ITGAV: variants seen among roughly 807,000 people sequenced by gnomAD.
ITGAV encodes integrin alpha-V.
A neutral mutation model predicts 143.8 loss-of-function variants in ITGAV; 76 were observed. That is an observed-to-expected ratio of 0.53 (90% CI 0.44 to 0.64). The LOEUF is 0.64. Among genes scored for constraint, ITGAV ranks in the 30% least tolerant of loss-of-function variants. ITGAV has a pLI of 0.00. For synonymous variants in ITGAV, 453 were observed against 446.7 expected (o/e 1.01, Z -0.18); for missense variants, 1,193 against 1,274.7 (o/e 0.94, Z 0.98).
intron 2 of ITGAV, among the ~76,000 whole-genome samples, chr2:186,602,822 A>T (rs916094909): frequency 6.7e-6 from 1 of 149,680 alleles, no homozygotes; most frequent in African/African-American, 2.5e-5. Context: ...GGTTGCAGTG[A>T]GCTGAGATTG....
chr2:186,611,418 G>T (rs1488400777), intron 2 of ITGAV, among the ~76,000 whole-genome samples: 1 of 151,916 alleles, frequency 6.6e-6, no homozygotes, highest in Admixed American at 6.6e-5. Context: ...GAGAGTTGGG[G>T]TCTTGCTATG....
At chr2:186,644,310 G>C (rs531659737) in intron 12 of ITGAV, among the ~76,000 whole-genome samples, 1 of 150,876 alleles carries the variant, frequency 6.6e-6, no homozygotes, top group Non-Finnish European at 1.5e-5. Flanking sequence ...TGGTTTTTTT[G>C]TTTGTTTGTT....
chr2:186,660,060 C>A (rs552811977), intron 18 of ITGAV, among the ~76,000 whole-genome samples: 1 of 152,056 alleles, frequency 6.6e-6, no homozygotes, highest in Admixed American at 6.6e-5. Flanking sequence ...TAATGTCTGT[C>A]ATTCAGTATT....
intron 24 of ITGAV, among the ~76,000 whole-genome samples, chr2:186,668,200 A>G (rs1559068058): frequency 1.6e-4 from 2 of 12,460 alleles, no homozygotes; most frequent in African/African-American, 2.4e-4. Context: ...ATATATATAT[A>G]TATATATATA....
chr2:186,618,641 G>A (rs1687435181), intron 2 of ITGAV, among the ~76,000 whole-genome samples: 1 of 152,260 alleles, frequency 6.6e-6, no homozygotes, highest in East Asian at 1.9e-4. Context: ...ATTCATGGAG[G>A]TAAATTTTCA....
intron 2 of ITGAV, among the ~76,000 whole-genome samples, chr2:186,605,947 T>C (rs1574462971): frequency 6.6e-6 from 1 of 151,378 alleles, no homozygotes; most frequent in Admixed American, 6.6e-5. Context: ...TTTGTATAAC[T>C]TCTGAGACCT....
intron 12 of ITGAV, among the ~76,000 whole-genome samples, chr2:186,645,296 C>T (rs931925621): frequency 1.3e-5 from 2 of 151,866 alleles, no homozygotes; most frequent in Non-Finnish European, 2.9e-5. Context: ...AATGACAGAA[C>T]GACATTGATC....
chr2:186,591,063 T>C (rs745982470), intron 1 of ITGAV, among the ~76,000 whole-genome samples: 3 of 152,206 alleles, frequency 2.0e-5, no homozygotes, highest in Non-Finnish European at 4.4e-5. Flanking sequence ...ATGACCATAC[T>C]GTCCTATTGA....
chr2:186,636,041 C>G, intron 6 of ITGAV, 41 bp from the exon 7 acceptor site: 1 of 1,567,012 alleles, frequency 6.4e-7, no homozygotes, highest in Non-Finnish European at 8.7e-7. Flanking sequence ...ATAAAGTTTC[C>G]ATTTGAAGGT....
At chr2:186,611,807 A>T (rs1238690507) in intron 2 of ITGAV, among the ~76,000 whole-genome samples, 2 of 152,124 alleles carry the variant, frequency 1.3e-5, no homozygotes, top group African/African-American at 4.8e-5. Context: ...CTGGTGGCTC[A>T]TGCCTGTAAT....
In ITGAV at chr2:186,649,869, C is replaced by CTCGGTGGTTTAT; in HGVS notation, c.1381_1382insTCGGTGGTTTAT (p.Arg461delinsLeuGlyGlyLeuTer). The CTCGGTGGTTTAT allele has an allele frequency of 6.4e-7, 1 of 1,568,658 alleles. No individual in the cohort carries two copies. Among genetic ancestry groups the CTCGGTGGTTTAT allele is most frequent in the Non-Finnish European group, 8.6e-7 (1 of 1,157,236 alleles). ...AATTGTAGGAGCTTTTGGTGTAGAT[C>CTCGGTGGTTTAT]GAGCTATCTTATACAGGTGAGCATT... On this transcript the variant is annotated stop_gained and protein_altering_variant, in exon 14 of 30. Coordinates refer to ENST00000261023, the MANE Select transcript of ITGAV (RefSeq NM_002210.5). LOFTEE classifies it high-confidence loss of function.
chr2:186,597,410 G>A (rs1686775995), intron 1 of ITGAV, among the ~76,000 whole-genome samples: 1 of 152,058 alleles, frequency 6.6e-6, no homozygotes, highest in Non-Finnish European at 1.5e-5. Flanking sequence ...CAGACGTAGT[G>A]GAAATGACTT....
chr2:186,593,787 T>C (rs369542182), intron 1 of ITGAV, among the ~76,000 whole-genome samples: 448 of 15,422 alleles, frequency 0.029, 2 homozygotes, highest in Middle Eastern at 0.056. Flanking sequence ...TAGGTTGGTG[T>C]GAGTAGAGGG....
In ITGAV at chr2:186,646,713, G is replaced by A. The variant is rs201819463; in HGVS notation, c.1187G>A (p.Gly396Asp). Residue 396 changes from glycine (G) to aspartate (D), a missense_variant, in exon 13 of 30, where the codon GGT becomes GAT. Coordinates refer to ENST00000261023, the MANE Select transcript of ITGAV (RefSeq NM_002210.5). ...NDIAIAAPYGGEDKKGIVYIF... is the reference protein window; with the variant it reads ...NDIAIAAPYGDEDKKGIVYIF... ...ATTGCAATTGCTGCTCCATATGGGG[G>A]TGAAGATAAAAAAGGAATTGTTTAT... is the stretch of plus-strand genomic sequence containing the variant. 2 of 1,600,152 alleles carry A rather than the reference G, an allele frequency of 1.2e-6. No homozygotes were observed. The highest frequency in any genetic ancestry group is 1.1e-5 in the South Asian group (1 of 89,092).
At chr2:186,662,722 A>C (rs1688781870) in intron 18 of ITGAV, among the ~76,000 whole-genome samples, 1 of 152,200 alleles carries the variant, frequency 6.6e-6, no homozygotes, top group South Asian at 2.1e-4. Context: ...AAAATATTCC[A>C]CTGATAATTT....
chr2:186,595,748 G>A (rs1018665392), intron 1 of ITGAV, among the ~76,000 whole-genome samples: 1 of 152,028 alleles, frequency 6.6e-6, no homozygotes, highest in East Asian at 1.9e-4. Context: ...CTTTTTGGAG[G>A]GAAATGGAGT....
chr2:186,642,395 C>T (rs1257279980), intron 12 of ITGAV, among the ~76,000 whole-genome samples: 1 of 151,984 alleles, frequency 6.6e-6, no homozygotes, highest in Non-Finnish European at 1.5e-5. Context: ...TTGTATGTCT[C>T]AAACAGTAGT....
intron 10 of ITGAV, among the ~76,000 whole-genome samples, chr2:186,639,567 T>C (rs1688046083): frequency 1.3e-5 from 2 of 152,168 alleles, no homozygotes; most frequent in South Asian, 4.1e-4. Flanking sequence ...TCAATGATAC[T>C]TGCTTTATTC....
intron 10 of ITGAV, among the ~76,000 whole-genome samples, chr2:186,639,096 A>G (rs1688033011): frequency 6.6e-6 from 1 of 152,094 alleles, no homozygotes; most frequent in Non-Finnish European, 1.5e-5. Context: ...AGCGAACTTC[A>G]TTTTTACTAC....
Sources: gnomAD v4.1 joint callset for allele counts (sites outside exome capture counted in the v4.1 genomes callset) on GRCh38, gnomAD v4.1.1 for gene constraint, MANE v1.5 for transcripts, NCBI Gene and HGNC (gene_info 2026-07-23, HGNC 2026-07-21) for gene names.